IPO7: variants seen among roughly 807,000 people sequenced by gnomAD.
The protein encoded by IPO7 is importin-7.
A neutral mutation model predicts 136.4 loss-of-function variants in IPO7; 13 were observed. The ratio of observed to expected loss-of-function variants is 0.10; its 90% CI spans 0.06 to 0.15. The LOEUF is 0.15. IPO7 is among the 10% of genes least tolerant of loss of function. The pLI is 1.00. For missense variants in IPO7, 857 were observed against 1,240.6 expected, an observed-to-expected ratio of 0.69 and a Z score of 4.65; for synonymous variants, 403 against 404.4, an observed-to-expected ratio of 1.00 and a Z score of 0.04.
intron 10 of IPO7, among the ~76,000 whole-genome samples, chr11:9,424,184 T>A (rs1855171754): frequency 6.6e-6 from 1 of 152,238 alleles, no homozygotes; most frequent in African/African-American, 2.4e-5. Context: ...AGCCATCATA[T>A]GAGTGGGAAA....
intron 9 of IPO7, among the ~76,000 whole-genome samples, chr11:9,423,487 T>C (rs1000657827): frequency 6.6e-6 from 1 of 152,226 alleles, no homozygotes; most frequent in Non-Finnish European, 1.5e-5. Flanking sequence ...CTGCTATTTC[T>C]ATGAATAATT....
At chr11:9,429,936 C>T in intron 15 of IPO7, 102 bp downstream of exon 15, 2 of 751,190 alleles carry the variant, frequency 2.7e-6, no homozygotes, top group African/African-American at 1.8e-5. Flanking sequence ...TAGCAGTCAA[C>T]CTTTTTGGCA....
intron 1 of IPO7, among the ~76,000 whole-genome samples, chr11:9,395,231 ATTTTATTTTTAT>A (rs530380861): frequency 9.9e-5 from 15 of 151,962 alleles, no homozygotes; most frequent in Non-Finnish European, 1.5e-4. Flanking sequence ...AATTAAGCTT[ATTTTATTTTTAT>A]TTTTATTTTT....
At chr11:9,423,977 G>A (rs1335219518) in intron 10 of IPO7, 101 bp downstream of exon 10, 8 of 636,822 alleles carry the variant, frequency 1.3e-5, no homozygotes, top group African/African-American at 3.7e-5. Context: ...CTTCTTTGTT[G>A]TTTTAATGTA....
At chr11:9,413,974 A>T (rs1855003946) in intron 4 of IPO7, among the ~76,000 whole-genome samples, 1 of 151,870 alleles carries the variant, frequency 6.6e-6, no homozygotes, top group Non-Finnish European at 1.5e-5. Flanking sequence ...AAAGATAGTT[A>T]ACGTCTGTGC....
chr11:9,416,949 A>C (rs1855049755), intron 5 of IPO7, 110 bp from the exon 6 acceptor site: 1 of 516,894 alleles, frequency 1.9e-6, no homozygotes, highest in African/African-American at 2.0e-5. Context: ...TACTAAAAGC[A>C]GGAAATGTGG....
chr11:9,395,641 G>T (rs1854697162), intron 1 of IPO7, among the ~76,000 whole-genome samples: 1 of 141,362 alleles, frequency 7.1e-6, no homozygotes, highest in African/African-American at 2.7e-5. Context: ...CCCTGGTTGA[G>T]ATTGCCTGTG....
Position 9,423,698 on chromosome 11 carries a change from G to T in IPO7, c.1042-79G>T. The T allele has an allele frequency of 3.6e-6, 3 of 829,582 alleles. No individual in the cohort carries two copies. In the East Asian group the frequency reaches 7.5e-5, roughly 21 times the overall value. 51.4% of individuals were successfully genotyped at this position (829,582 alleles called of 1,614,324 possible). ...TTTAAAATACATATAGTGTTACTTT[G>T]GTTTTAATACTTAAAGGAAATTTGA... On this transcript the variant is annotated intron_variant, in intron 9 of 24. Transcript: ENST00000379719.
intron 6 of IPO7, among the ~76,000 whole-genome samples, chr11:9,417,979 C>T (rs1207398558): frequency 1.3e-5 from 2 of 151,848 alleles, no homozygotes; most frequent in African/African-American, 4.8e-5. Context: ...TCCCAAAGTG[C>T]TGGGATTACA....
intron 3 of IPO7, 50 bp from the exon 4 acceptor site, chr11:9,409,878 A>C: frequency 7.1e-7 from 1 of 1,405,200 alleles, no homozygotes; most frequent in Middle Eastern, 2.5e-4. Flanking sequence ...GGGTTAGCAA[A>C]ATCTTACCTA....
intron 5 of IPO7, 137 bp downstream of exon 5, chr11:9,414,548 TAGAAATTGCAA>T: frequency 2.3e-6 from 1 of 433,156 alleles, no homozygotes; most frequent in African/African-American, 2.1e-5. Flanking sequence ...TCTAGCAAAA[TAGAAATTGCAA>T]AAATTATAAG....
intron 16 of IPO7, among the ~76,000 whole-genome samples, chr11:9,432,173 C>G (rs1048800400): frequency 6.7e-6 from 1 of 149,518 alleles, no homozygotes; most frequent in African/African-American, 2.5e-5. Flanking sequence ...TGCAAGTTGC[C>G]TTTTGCAGCA....
intron 1 of IPO7, chr11:9,392,194 T>TTTTTTG: frequency 9.3e-6 from 3 of 322,560 alleles, no homozygotes; most frequent in South Asian, 2.4e-5. Flanking sequence ...TTTTTTTTTT[T>TTTTTTG]GAGACGGAGT....
chr11:9,408,849 G>A (rs1456686356), intron 3 of IPO7, among the ~76,000 whole-genome samples: 1 of 151,480 alleles, frequency 6.6e-6, no homozygotes, highest in Admixed American at 6.6e-5. Flanking sequence ...GAGTAGCTGG[G>A]ATTACAGGCA....
rs1407304006 is a variant in IPO7, at chr11:9,384,660, G to C, written c.-104G>C. On this transcript the variant is annotated 5_prime_UTR_variant, in exon 1 of 25. Transcript: ENST00000379719. ...CCTTGGCGCTTCTCTTTCCTTTCGC[G>C]CCGGTTGCCGCTGCGGAGCGCGGCG... is the stretch of plus-strand genomic sequence containing the variant. 3.2e-5 allele frequency: 30 copies of C among 949,428 alleles called. No homozygotes were observed. The highest frequency in any genetic ancestry group is 4.7e-5 in the Non-Finnish European group (30 of 637,566). The allele number at this position is 949,428 out of a possible 1,614,324, so 58.8% of individuals were successfully genotyped here. A position where few individuals can be genotyped will look rare whatever the true frequency, so the allele number is the denominator to read the frequency against.
Position 9,423,023 on chromosome 11 carries a change from A to G in IPO7, c.924A>G (p.Leu308=), listed in dbSNP as rs375828420. Residue 308 remains leucine (L), a synonymous_variant, in exon 9 of 25, where the codon TTA becomes TTG. Transcript: ENST00000379719. ...VGVQQVLLKV[L]YQYKEKQYMA... is the part of the protein sequence containing the mutation. Reference sequence around the variant, plus strand: ...TTTCCAAGGTTTTATTGAAGGTGTTATATCAGTACAAGGAGAAGCAATATA... The same window carrying G: ...TTTCCAAGGTTTTATTGAAGGTGTTGTATCAGTACAAGGAGAAGCAATATA... 2.5e-6 allele frequency: 4 copies of G among 1,573,326 alleles called. No individual in the cohort carries two copies. Among genetic ancestry groups the G allele is most frequent in the Non-Finnish European group, 3.4e-6 (4 of 1,160,900 alleles).
At chr11:9,404,408 T>TG (rs1854846758) in intron 2 of IPO7, among the ~76,000 whole-genome samples, 1 of 151,266 alleles carries the variant, frequency 6.6e-6, no homozygotes, top group Non-Finnish European at 1.5e-5. Context: ...GAGCTTGCAG[T>TG]GAGCCGAGTT....
At chr11:9,403,531 T>G (rs1053507484) in intron 2 of IPO7, 160 bp downstream of exon 2, 1 of 565,578 alleles carries the variant, frequency 1.8e-6, no homozygotes. Context: ...CCTTGATATC[T>G]GGTGGCAGAG....
intron 12 of IPO7, among the ~76,000 whole-genome samples, chr11:9,427,615 G>A (rs773318436): frequency 1.7e-4 from 26 of 152,154 alleles, no homozygotes; most frequent in South Asian, 4.1e-4. Context: ...TATAAAGTAT[G>A]TATTAAAGAC....
Sources: allele counts gnomAD v4.1 joint callset (sites outside exome capture counted in the v4.1 genomes callset), GRCh38; gene constraint gnomAD v4.1.1; transcripts MANE v1.5; gene names NCBI Gene and HGNC (gene_info 2026-07-23, HGNC 2026-07-21).